The following USH2A variants were observed in gnomAD, a reference collection of about 807,000 sequenced individuals.
USH2A encodes Usher syndrome 2A (autosomal recessive, mild).
USH2A carries 443 observed loss-of-function variants against 538.9 expected under a neutral mutation model. The observed-to-expected ratio is 0.82, with a 90% confidence interval of 0.76 to 0.89. USH2A has a LOEUF of 0.89. USH2A is among the 40% of genes least tolerant of loss of function. USH2A has a pLI of 0.00. For missense variants in USH2A, 6,633 were observed against 6,324.8 expected (o/e 1.05, Z -1.65); for synonymous variants, 2,413 against 2,273.5 (o/e 1.06, Z -1.75).
At position 215,782,112 on chromosome 1, in the gene USH2A, A is replaced by G; in HGVS notation, c.10670T>C (p.Ile3557Thr). 6.2e-7 allele frequency: 1 copy of G among 1,614,036 alleles called. No individual in the cohort carries two copies. Among genetic ancestry groups the G allele is most frequent in the Non-Finnish European group, 8.5e-7 (1 of 1,179,914 alleles). The change falls in exon 54 of 72, where the codon ATT (isoleucine) becomes ACT (threonine). Residue 3557 changes from isoleucine to threonine, a missense_variant. Ile to Thr is a moderately conservative substitution (Grantham distance 89). Coordinates refer to ENST00000307340, the MANE Select transcript of USH2A (RefSeq NM_206933.4). Reference sequence around the variant, plus strand: ...ATATGAATATTCCTGAAATGGTTGAATTCCCTCTTTATCAGAGAAGCTCAG... The same window carrying G: ...ATATGAATATTCCTGAAATGGTTGAGTTCCCTCTTTATCAGAGAAGCTCAG... ...TSLSFSDKEG[I>T]QPFQEYSYQL...
At chr1:216,399,043 G>C (rs1379192570) in intron 3 of USH2A, among the ~76,000 whole-genome samples, 1 of 152,150 alleles carries the variant, frequency 6.6e-6, no homozygotes, top group Non-Finnish European at 1.5e-5. Context: ...AGCCCAGCAA[G>C]TAGCTAAACC....
At chr1:215,882,968 T>C (rs962175705) in intron 41 of USH2A, among the ~76,000 whole-genome samples, 3 of 152,178 alleles carry the variant, frequency 2.0e-5, no homozygotes, top group Non-Finnish European at 4.4e-5. Flanking sequence ...TTAATTTTAA[T>C]CATTATTGAT....
intron 5 of USH2A, among the ~76,000 whole-genome samples, chr1:216,326,227 TA>T (rs569986598): frequency 1.3e-5 from 2 of 152,154 alleles, no homozygotes; most frequent in Admixed American, 6.5e-5. Flanking sequence ...ATTTTTCCAT[TA>T]GGGGCAATAT....
chr1:215,746,555 T>C (rs535710465), intron 58 of USH2A, among the ~76,000 whole-genome samples: 186 of 152,356 alleles, frequency 1.2e-3, no homozygotes, highest in African/African-American at 4.4e-3. Flanking sequence ...ATGGCTGTTG[T>C]CACTCGCTGA....
intron 37 of USH2A, among the ~76,000 whole-genome samples, chr1:215,960,714 C>A (rs1302873969): frequency 6.6e-6 from 1 of 152,048 alleles, no homozygotes; most frequent in East Asian, 1.9e-4. Context: ...TCTAATATAA[C>A]CAAGTGTAGG....
intron 3 of USH2A, among the ~76,000 whole-genome samples, chr1:216,365,438 C>A (rs2038578510): frequency 6.6e-6 from 1 of 151,938 alleles, no homozygotes; most frequent in South Asian, 2.1e-4. Flanking sequence ...GGAAATAGAG[C>A]AAAATGAGTA....
At chr1:216,327,564 G>A in intron 5 of USH2A, 27 bp downstream of exon 5, 2 of 1,611,818 alleles carry the variant, frequency 1.2e-6, no homozygotes, top group Non-Finnish European at 1.7e-6. Context: ...TTCGGTTCTT[G>A]AGGTTTACAA....
intron 49 of USH2A, among the ~76,000 whole-genome samples, chr1:215,813,007 A>G (rs1307373615): frequency 6.6e-6 from 1 of 152,190 alleles, no homozygotes; most frequent in Non-Finnish European, 1.5e-5. Context: ...ACTGCCTTGT[A>G]TAATACAAAT....
chr1:215,845,795 G>T (rs976162688), intron 45 of USH2A, 29 bp downstream of exon 45: 2 of 1,603,206 alleles, frequency 1.2e-6, no homozygotes, highest in African/African-American at 1.3e-5. Context: ...GCATCTCTGA[G>T]GCAAATATCC....
At chr1:216,406,125 T>C (rs2039390994) in intron 3 of USH2A, among the ~76,000 whole-genome samples, 1 of 152,146 alleles carries the variant, frequency 6.6e-6, no homozygotes, top group African/African-American at 2.4e-5. Context: ...AACTCGGCTG[T>C]GGTGGATAAA....
chr1:216,247,755 G>A (rs559539277), intron 12 of USH2A, among the ~76,000 whole-genome samples: 5 of 152,130 alleles, frequency 3.3e-5, no homozygotes, highest in African/African-American at 9.6e-5. Flanking sequence ...ATTGCTAAGA[G>A]ATTAGATCTT....
In USH2A at chr1:215,762,213, CAG is replaced by C. The variant is rs147830753; in HGVS notation, c.11048-2372_11048-2371del. Among the ~76,000 whole-genome samples, 808 of 152,246 alleles carry C rather than the reference CAG, an allele frequency of 5.3e-3. 3 individuals are homozygous for C. Among genetic ancestry groups the C allele is most frequent in the African/African-American group, 0.019 (773 of 41,554 alleles). Reference sequence around the variant, plus strand: ...ACAGCTGCTAGATGATTCAACCAATCAGAGTTTTGATTTAAATGTGATATTAA... The same window carrying C: ...ACAGCTGCTAGATGATTCAACCAATCAGTTTTGATTTAAATGTGATATTAA... On this transcript the variant is annotated intron_variant, in intron 56 of 71. Coordinates refer to ENST00000307340, the MANE Select transcript of USH2A (RefSeq NM_206933.4).
At chr1:216,380,058 G>T (rs796770205) in intron 3 of USH2A, among the ~76,000 whole-genome samples, 48 of 152,270 alleles carry the variant, frequency 3.2e-4, no homozygotes, top group Admixed American at 8.5e-4. Context: ...CTTAAGGAGA[G>T]AATTGATAAG....
intron 32 of USH2A, among the ~76,000 whole-genome samples, chr1:216,039,783 A>G (rs191596086): frequency 3.3e-5 from 5 of 152,056 alleles, no homozygotes; most frequent in Non-Finnish European, 5.9e-5. Context: ...GCCATAAGCA[A>G]TACAGCTTCT....
intron 23 of USH2A, among the ~76,000 whole-genome samples, chr1:216,088,547 A>T (rs746634204): frequency 6.6e-6 from 1 of 152,216 alleles, no homozygotes; most frequent in South Asian, 2.1e-4. Flanking sequence ...CAGATAGGGT[A>T]GGCTGGAGCA....
chr1:215,959,148 T>C (rs2102448872), intron 37 of USH2A, among the ~76,000 whole-genome samples: 1 of 144,304 alleles, frequency 6.9e-6, no homozygotes, highest in East Asian at 2.0e-4. Flanking sequence ...ATAATATGTA[T>C]ATATTATAGA....
intron 38 of USH2A, among the ~76,000 whole-genome samples, chr1:215,929,783 C>T (rs1025650231): frequency 2.6e-5 from 4 of 152,072 alleles, no homozygotes; most frequent in Middle Eastern, 3.2e-3. Flanking sequence ...CTCATAGTCA[C>T]TCAAGCAGTG....
At chr1:216,238,255 T>G (rs888256297) in intron 13 of USH2A, among the ~76,000 whole-genome samples, 3 of 152,158 alleles carry the variant, frequency 2.0e-5, no homozygotes, top group Non-Finnish European at 2.9e-5. Flanking sequence ...TTTGTTTTAT[T>G]CCAAAGCTAC....
At position 215,798,932 on chromosome 1, in the gene USH2A, T is replaced by C; in HGVS notation, c.9933A>G (p.Glu3311=). Residue 3311 remains glutamate, a synonymous_variant, in exon 50 of 72, where the codon GAA becomes GAG. Coordinates refer to ENST00000307340, the MANE Select transcript of USH2A (RefSeq NM_206933.4). ...CTGGAAGGCGATTGTACACCACTCC[T>C]TCTTCTCCACCACAACACTCTAAAT... ...SNDLECCGGE[E]GVVYNRLPGM... The C allele has an allele frequency of 6.2e-7, 1 of 1,614,078 alleles. No individual in the cohort carries two copies. Among genetic ancestry groups the C allele is most frequent in the South Asian group, 1.1e-5 (1 of 91,088 alleles).
Sources: allele counts gnomAD v4.1 joint callset (sites outside exome capture counted in the v4.1 genomes callset), GRCh38; gene constraint gnomAD v4.1.1; transcripts MANE v1.5; gene names NCBI Gene and HGNC (gene_info 2026-07-23, HGNC 2026-07-21).